Variants in GPR137C observed in about 807,000 individuals in gnomAD.
GPR137C encodes the protein integral membrane protein GPR137C.
In GPR137C, 27 loss-of-function variants were observed where a neutral mutation model predicts 43.4. The observed-to-expected ratio is 0.62, with a 90% CI of 0.46 to 0.86. GPR137C has a LOEUF of 0.86. GPR137C is among the 40% of genes least tolerant of loss of function. GPR137C has a pLI of 0.00. For synonymous variants in GPR137C, 285 were observed against 226.9 expected (o/e 1.26, Z -2.30); for missense variants, 522 against 534.6 (o/e 0.98, Z 0.23).
rs181550064 is a variant in GPR137C, at chr14:52,594,683, C to T, written c.445-3589C>T. On this transcript the variant is annotated intron_variant, in intron 1 of 6. Coordinates refer to ENST00000321662, the MANE Select transcript of GPR137C (RefSeq NM_001099652.2). Reference sequence around the variant, plus strand: ...TCCATTTGCTTGGTAGATCTTCCTCCATCCCTTTTTTTTGAGTCTATGTGT... The same window carrying T: ...TCCATTTGCTTGGTAGATCTTCCTCTATCCCTTTTTTTTGAGTCTATGTGT... Among the ~76,000 whole-genome samples, 120 of 152,214 alleles carry T rather than the reference C, an allele frequency of 7.9e-4. 1 individual carries two copies. In the East Asian group the frequency reaches 0.014, roughly 18 times the overall value.
chr14:52,609,075 T>C (rs1408960302), intron 3 of GPR137C, among the ~76,000 whole-genome samples: 2 of 152,214 alleles, frequency 1.3e-5, no homozygotes, highest in Non-Finnish European at 2.9e-5. Context: ...TTTGCTTTTT[T>C]ATGTTGGCCC....
chr14:52,576,693 A>G (rs143831369), intron 1 of GPR137C, among the ~76,000 whole-genome samples: 3 of 152,320 alleles, frequency 2.0e-5, no homozygotes, highest in Admixed American at 6.5e-5. Context: ...AAATTAACCT[A>G]ATAGACGTTT....
chr14:52,618,499 C>T (rs1164551727), intron 3 of GPR137C, among the ~76,000 whole-genome samples: 2 of 151,988 alleles, frequency 1.3e-5, no homozygotes, highest in Non-Finnish European at 2.9e-5. Context: ...CCATTTATTA[C>T]CATGATTGTC....
chr14:52,620,649 A>G (rs1285948570), intron 3 of GPR137C, among the ~76,000 whole-genome samples: 1 of 152,006 alleles, frequency 6.6e-6, no homozygotes, highest in African/African-American at 2.4e-5. Context: ...TTATCAGACA[A>G]AGCATTTATA....
chr14:52,571,805 T>G (rs1482372746), intron 1 of GPR137C, among the ~76,000 whole-genome samples: 1 of 152,062 alleles, frequency 6.6e-6, no homozygotes, highest in African/African-American at 2.4e-5. Flanking sequence ...AATCAATGAT[T>G]CCAGGAGCTG....
intron 1 of GPR137C, among the ~76,000 whole-genome samples, chr14:52,581,077 TC>T (rs2038639121): frequency 6.6e-6 from 1 of 150,794 alleles, no homozygotes. Flanking sequence ...ATGCCTGTAA[TC>T]TCAGCTACTC....
chr14:52,563,573 G>C (rs2139441826), intron 1 of GPR137C, among the ~76,000 whole-genome samples: 2 of 152,248 alleles, frequency 1.3e-5, no homozygotes, highest in Middle Eastern at 3.4e-3. Context: ...GAGCCCAGGA[G>C]TTCGAGGCTG....
intron 1 of GPR137C, among the ~76,000 whole-genome samples, chr14:52,562,644 TA>T (rs2038303625): frequency 6.6e-6 from 1 of 152,140 alleles, no homozygotes; most frequent in Non-Finnish European, 1.5e-5. Flanking sequence ...TAGAAATGTT[TA>T]AAACAGTTAT....
chr14:52,609,587 G>T lies in GPR137C; in HGVS notation c.717+9246G>T, dbSNP rs530643046. Among the ~76,000 whole-genome samples the T allele has an allele frequency of 7.5e-4, 114 of 152,198 alleles. 1 individual carries two copies. The highest frequency in any genetic ancestry group is 1.4e-3 in the Non-Finnish European group (92 of 68,030). ...CCAGGGATTCTAAACAGACTGACTT[G>T]TGTTTCCTGAGCCTGTGTCTACTGC... On this transcript the variant is annotated intron_variant, in intron 3 of 6. Transcript: ENST00000321662.
intron 1 of GPR137C, 64 bp downstream of exon 1, chr14:52,553,655 C>A (rs1007517300): frequency 8.0e-7 from 1 of 1,248,202 alleles, no homozygotes; most frequent in Non-Finnish European, 1.1e-6. Flanking sequence ...GATCAACTCC[C>A]GCTGAGGACC....
intron 3 of GPR137C, among the ~76,000 whole-genome samples, chr14:52,620,773 A>C (rs1172573679): frequency 5.9e-5 from 9 of 152,036 alleles, no homozygotes; most frequent in Admixed American, 2.0e-4. Flanking sequence ...AAAATATAGT[A>C]TTTAAAATAA....
intron 3 of GPR137C, among the ~76,000 whole-genome samples, chr14:52,622,207 A>C (rs2039169489): frequency 6.6e-6 from 1 of 152,042 alleles, no homozygotes; most frequent in Non-Finnish European, 1.5e-5. Flanking sequence ...TTAATACTAC[A>C]CCAAAACTCA....
At position 52,553,363 on chromosome 14, in the gene GPR137C, C is replaced by G. The variant is rs761909020; in HGVS notation, c.216C>G (p.Leu72=). The change falls in exon 1 of 7, where the codon CTC becomes CTG. Residue 72 remains leucine (L), a synonymous_variant. Coordinates refer to ENST00000321662, the MANE Select transcript of GPR137C (RefSeq NM_001099652.2). Reference sequence around the variant, plus strand: ...CCTACCTGCAGCTGTGGCGGCTGCTCCTGTACCGCGAGCGGCGGCTGAGTT... The same window carrying G: ...CCTACCTGCAGCTGTGGCGGCTGCTGCTGTACCGCGAGCGGCGGCTGAGTT... ...AFAYLQLWRL[L]LYRERRLSYQ... 1 of 1,604,134 alleles carries G rather than the reference C, an allele frequency of 6.2e-7. No individual in the cohort carries two copies. Among genetic ancestry groups the G allele is most frequent in the Non-Finnish European group, 8.5e-7 (1 of 1,179,034 alleles).
At chr14:52,564,390 C>G (rs2139443635) in intron 1 of GPR137C, among the ~76,000 whole-genome samples, 1 of 151,774 alleles carries the variant, frequency 6.6e-6, no homozygotes, top group Middle Eastern at 3.4e-3. Context: ...AGCCTAATTT[C>G]AAACTATGCT....
chr14:52,556,875 A>G (rs750320044), intron 1 of GPR137C, among the ~76,000 whole-genome samples: 1 of 152,094 alleles, frequency 6.6e-6, no homozygotes, highest in Non-Finnish European at 1.5e-5. Flanking sequence ...AACATATTGA[A>G]GTTCTTACTT....
intron 3 of GPR137C, among the ~76,000 whole-genome samples, chr14:52,615,044 T>A (rs2139557845): frequency 6.6e-6 from 1 of 152,368 alleles, no homozygotes; most frequent in Middle Eastern, 3.4e-3. Context: ...CAGACCAATG[T>A]CTTGGAGAGT....
At chr14:52,594,811 C>T (rs986568699) in intron 1 of GPR137C, among the ~76,000 whole-genome samples, 6 of 152,242 alleles carry the variant, frequency 3.9e-5, no homozygotes, top group African/African-American at 1.4e-4. Flanking sequence ...GCATTTAGCC[C>T]ATTTACATTT....
intron 1 of GPR137C, among the ~76,000 whole-genome samples, chr14:52,589,231 G>T (rs1339917382): frequency 6.6e-6 from 1 of 152,142 alleles, no homozygotes; most frequent in Non-Finnish European, 1.5e-5. Flanking sequence ...GGAGGAGGAG[G>T]GAATGGGGAG....
chr14:52,557,255 G>T (rs776915221), intron 1 of GPR137C, among the ~76,000 whole-genome samples: 1 of 152,102 alleles, frequency 6.6e-6, no homozygotes, highest in Non-Finnish European at 1.5e-5. Flanking sequence ...TCAAAATTTA[G>T]AAAATAGTTA....
Sources: allele counts gnomAD v4.1 joint callset (sites outside exome capture counted in the v4.1 genomes callset), GRCh38; gene constraint gnomAD v4.1.1; transcripts MANE v1.5; gene names NCBI Gene and HGNC (gene_info 2026-07-23, HGNC 2026-07-21).